TIAM2: variants seen among roughly 807,000 people sequenced by gnomAD.
TIAM2 encodes rho guanine nucleotide exchange factor TIAM2.
Under a neutral mutation model 152.9 loss-of-function variants are expected in TIAM2, and 80 were observed. The ratio of observed to expected loss-of-function variants is 0.52; its 90% CI spans 0.44 to 0.63. The LOEUF is 0.63. Among genes scored for constraint, TIAM2 ranks in the 30% least tolerant of loss-of-function variants. TIAM2 has a pLI of 0.00. For missense variants in TIAM2, 1,965 were observed against 2,120.1 expected (o/e 0.93, Z 1.44); for synonymous variants, 804 against 838.0 (o/e 0.96, Z 0.70).
At chr6:155,245,552 C>T (rs1363906422) in intron 18 of TIAM2, 71 bp from the exon 19 acceptor site, 24 of 1,256,132 alleles carry the variant, frequency 1.9e-5, no homozygotes, top group Non-Finnish European at 2.4e-5. Flanking sequence ...GCCATGGGGC[C>T]GTCAAATGCC....
chr6:155,006,494 C>G (rs1211390575), intron 1 of TIAM2, among the ~76,000 whole-genome samples: 1 of 151,668 alleles, frequency 6.6e-6, no homozygotes, highest in Non-Finnish European at 1.5e-5. Flanking sequence ...TGGTGAAACC[C>G]TGTCTCTACT....
chr6:155,027,347 C>T (rs1208086025), intron 1 of TIAM2, among the ~76,000 whole-genome samples: 1 of 140,812 alleles, frequency 7.1e-6, no homozygotes, highest in Non-Finnish European at 1.5e-5. Context: ...AATATATATA[C>T]TGTGTTACAT....
intron 17 of TIAM2, 142 bp from the exon 18 acceptor site, chr6:155,244,516 G>C: frequency 1.0e-6 from 1 of 982,980 alleles, no homozygotes; most frequent in South Asian, 1.7e-5. Context: ...CATAATGAAT[G>C]TGCTGTCTTC....
chr6:155,071,668 G>A (rs879547681), intron 1 of TIAM2, among the ~76,000 whole-genome samples: 1 of 152,108 alleles, frequency 6.6e-6, no homozygotes, highest in Admixed American at 6.5e-5. Context: ...ACTTTCAGAG[G>A]CCGATCACCT....
chr6:155,102,541 C>G (rs932816996), intron 2 of TIAM2, among the ~76,000 whole-genome samples: 3 of 152,118 alleles, frequency 2.0e-5, no homozygotes, highest in Admixed American at 1.3e-4. Flanking sequence ...TAGTGGCTCT[C>G]AAACTTTTCA....
chr6:155,159,246 T>TGGTA (rs148519393), intron 7 of TIAM2, among the ~76,000 whole-genome samples: 188 of 152,306 alleles, frequency 1.2e-3, no homozygotes, highest in African/African-American at 4.3e-3. Flanking sequence ...AGTGAGAGTG[T>TGGTA]GGTAGTCTTA....
At chr6:155,069,282 T>C (rs1270947960) in intron 1 of TIAM2, among the ~76,000 whole-genome samples, 1 of 151,944 alleles carries the variant, frequency 6.6e-6, no homozygotes, top group Non-Finnish European at 1.5e-5. Context: ...TTAGTAGAGA[T>C]GAGGTTTTGC....
chr6:155,230,543 T>TTATGACAGTC (rs112309051), intron 15 of TIAM2, among the ~76,000 whole-genome samples: 8 of 152,084 alleles, frequency 5.3e-5, no homozygotes, highest in African/African-American at 1.7e-4. Flanking sequence ...CAAGGAGTGA[T>TTATGACAGTC]TTGTTCATCA....
intron 14 of TIAM2, among the ~76,000 whole-genome samples, chr6:155,192,571 A>T (rs1329337275): frequency 6.6e-6 from 1 of 152,220 alleles, no homozygotes; most frequent in East Asian, 1.9e-4. Context: ...TTTGTTTAAC[A>T]TAACAATAGT....
intron 9 of TIAM2, among the ~76,000 whole-genome samples, chr6:155,171,272 G>A (rs1780580327): frequency 6.6e-6 from 1 of 152,184 alleles, no homozygotes; most frequent in African/African-American, 2.4e-5. Context: ...TTTTTTAGAG[G>A]ACACTTTGGC....
chr6:155,074,882 C>T (rs1777920965), intron 1 of TIAM2, among the ~76,000 whole-genome samples: 1 of 143,374 alleles, frequency 7.0e-6, no homozygotes, highest in Non-Finnish European at 1.5e-5. Context: ...AAAAAAACCT[C>T]TGAGGATTGT....
chr6:155,006,040 G>C (rs1778395951), intron 1 of TIAM2, among the ~76,000 whole-genome samples: 1 of 152,238 alleles, frequency 6.6e-6, no homozygotes. Context: ...ACTAGTTCTT[G>C]GATCGAGCCG....
chr6:155,206,002 C>T (rs1222367084), intron 14 of TIAM2, among the ~76,000 whole-genome samples: 6 of 152,124 alleles, frequency 3.9e-5, no homozygotes, highest in Non-Finnish European at 1.5e-5. Context: ...CCAGGATGTC[C>T]CTTTAACAAA....
At position 155,248,199 on chromosome 6, in the gene TIAM2, T is replaced by G; in HGVS notation, c.3832+20T>G. ...TGACGGGTGAGGCGGCGGCGGCACCTCCGGGCGAGGGCCTGCACAGGGCGG... is the reference window on the plus strand; with the variant it reads ...TGACGGGTGAGGCGGCGGCGGCACCGCCGGGCGAGGGCCTGCACAGGGCGG... On this transcript the variant is annotated intron_variant, in intron 20 of 26. Transcript: ENST00000682666. 6.2e-7 allele frequency: 1 copy of G among 1,608,468 alleles called. No individual in the cohort carries two copies. Among genetic ancestry groups the G allele is most frequent in the Non-Finnish European group, 8.5e-7 (1 of 1,178,020 alleles).
intron 15 of TIAM2, among the ~76,000 whole-genome samples, chr6:155,234,368 A>G (rs1782635469): frequency 6.6e-6 from 1 of 152,206 alleles, no homozygotes; most frequent in Admixed American, 6.5e-5. Context: ...ACTCACTGTA[A>G]CCTTGAACTC....
At chr6:155,035,120 G>A (rs1432506940) in intron 1 of TIAM2, among the ~76,000 whole-genome samples, 3 of 152,042 alleles carry the variant, frequency 2.0e-5, no homozygotes, top group Non-Finnish European at 2.9e-5. Context: ...ATTATAGTTC[G>A]TTTGATCCAC....
chr6:155,029,098 A>G (rs115355570), intron 1 of TIAM2, among the ~76,000 whole-genome samples: 2,167 of 114,628 alleles, frequency 0.019, 171 homozygotes, highest in Non-Finnish European at 0.024. Flanking sequence ...TACACTGTAT[A>G]TACTATGTGT....
chr6:155,076,761 T>C (rs923225565), intron 1 of TIAM2, among the ~76,000 whole-genome samples: 1 of 152,186 alleles, frequency 6.6e-6, no homozygotes, highest in Non-Finnish European at 1.5e-5. Context: ...TGGCACGTGA[T>C]TGTGGCTCAC....
chr6:155,047,010 A>G (rs1280312354), intron 1 of TIAM2, among the ~76,000 whole-genome samples: 1 of 152,190 alleles, frequency 6.6e-6, no homozygotes, highest in Non-Finnish European at 1.5e-5. Context: ...AGAGGGAAAG[A>G]GTTGAGGATT....
Sources: allele counts gnomAD v4.1 joint callset (sites outside exome capture counted in the v4.1 genomes callset), GRCh38; gene constraint gnomAD v4.1.1; transcripts MANE v1.5; gene names NCBI Gene and HGNC (gene_info 2026-07-23, HGNC 2026-07-21).